Variants in CCDC102B observed in about 807,000 individuals in gnomAD.
CCDC102B encodes coiled-coil domain containing 102B.
Under a neutral mutation model 57.4 loss-of-function variants are expected in CCDC102B, and 75 were observed. The ratio of observed to expected loss-of-function variants is 1.31; its 90% CI spans 1.08 to 1.58. The LOEUF (loss-of-function observed/expected upper bound fraction) is 1.58, where lower values mean the gene tolerates loss of function less well. Ranked by LOEUF, CCDC102B falls within the 40% of genes most tolerant of loss-of-function variation. The probability of loss-of-function intolerance (pLI) is 0.00; values close to 1 mark genes in which losing one functional copy is unlikely to be tolerated. For synonymous variants in CCDC102B, 206 were observed against 201.9 expected (o/e 1.02, Z -0.17); for missense variants, 636 against 582.6 (o/e 1.09, Z -0.94).
intron 4 of CCDC102B, chr18:68,866,731 CG>C (rs1346097301): frequency 1.8e-6 from 1 of 568,012 alleles, no homozygotes; most frequent in Non-Finnish European, 3.4e-6. Context: ...CATTTGCCAC[CG>C]TGGGTCTGGT....
intron 2 of CCDC102B, among the ~76,000 whole-genome samples, chr18:68,728,853 A>G (rs2032723825): frequency 6.6e-6 from 1 of 152,198 alleles, no homozygotes; most frequent in African/African-American, 2.4e-5. Context: ...TTGTGTAGTA[A>G]AAGAAAAAAG....
intron 7 of CCDC102B, among the ~76,000 whole-genome samples, chr18:69,018,261 A>T (rs891308758): frequency 3.3e-5 from 5 of 152,234 alleles, no homozygotes; most frequent in African/African-American, 1.2e-4. Flanking sequence ...ATATGCACAT[A>T]TATACATGCA....
Position 68,998,827 on chromosome 18 carries a change from G to A in CCDC102B, c.1264-12107G>A, listed in dbSNP as rs550311813. On this transcript the variant is annotated intron_variant, in intron 6 of 7. Coordinates refer to ENST00000360242, the MANE Select transcript of CCDC102B (RefSeq NM_024781.3). ...ATTAGATGGTGCCTACCCAGACTGA[G>A]GGTGGGTCTGCATCACCCAGTTCAC... Among the ~76,000 whole-genome samples, 15 of 152,094 alleles carry A rather than the reference G, an allele frequency of 9.9e-5. No homozygotes were observed. The South Asian group carries it at 3.1e-3, about 32-fold the overall frequency.
intron 2 of CCDC102B, among the ~76,000 whole-genome samples, chr18:68,720,511 G>A (rs1166276769): frequency 6.6e-6 from 1 of 152,132 alleles, no homozygotes; most frequent in Non-Finnish European, 1.5e-5. Context: ...AGCGTTCTAT[G>A]CACATGAACG....
intron 6 of CCDC102B, among the ~76,000 whole-genome samples, chr18:68,947,935 T>A (rs1420400001): frequency 6.6e-6 from 1 of 152,086 alleles, no homozygotes; most frequent in Admixed American, 6.6e-5. Flanking sequence ...AAAATTGTAT[T>A]TTTTTCTTAT....
At chr18:68,968,745 C>A (rs1036388152) in intron 6 of CCDC102B, among the ~76,000 whole-genome samples, 5 of 152,142 alleles carry the variant, frequency 3.3e-5, no homozygotes, top group Non-Finnish European at 5.9e-5. Context: ...TTGTTTACTT[C>A]TATACCTATG....
At chr18:68,812,040 A>T (rs551345866) in intron 1 of CCDC102B, among the ~76,000 whole-genome samples, 19 of 152,306 alleles carry the variant, frequency 1.2e-4, no homozygotes, top group African/African-American at 4.6e-4. Context: ...GTAAGAACTA[A>T]TATACTTAAC....
At chr18:68,889,027 TTTG>T (rs1351724014) in intron 5 of CCDC102B, among the ~76,000 whole-genome samples, 4 of 25,852 alleles carry the variant, frequency 1.5e-4, no homozygotes, top group East Asian at 5.4e-3. Flanking sequence ...GTAGTTTTTC[TTTG>T]TTTTTTTTTT....
At chr18:68,801,128 C>A (rs9950588) in intron 1 of CCDC102B, among the ~76,000 whole-genome samples, 1 of 151,848 alleles carries the variant, frequency 6.6e-6, no homozygotes, top group East Asian at 1.9e-4. Context: ...ATCTTTTTGC[C>A]GTACACGAAA....
rs1568131124 is a variant in CCDC102B, at chr18:69,022,217, ATAT to A, written c.1434+11114_1434+11116del. 2.7e-4 allele frequency among the ~76,000 whole-genome samples: 14 copies of A among 51,276 alleles called. No individual in the cohort carries two copies. In the East Asian group the frequency reaches 8.1e-3, roughly 30 times the overall value. 33.6% of individuals were successfully genotyped at this position (51,276 alleles called of 152,430 possible). ...CCTATATATATATATATATATATAT[ATAT>A]ATAACACACACACACGCGTGCGTGT... is the stretch of plus-strand genomic sequence containing the variant. On this transcript the variant is annotated intron_variant, in intron 7 of 7. Coordinates refer to ENST00000360242, the MANE Select transcript of CCDC102B (RefSeq NM_024781.3).
chr18:68,769,733 T>C (rs2034580181), intron 2 of CCDC102B, among the ~76,000 whole-genome samples: 1 of 151,994 alleles, frequency 6.6e-6, no homozygotes, highest in Non-Finnish European at 1.5e-5. Context: ...CTTCCAATAA[T>C]CTGAAAGTAA....
At chr18:68,948,113 A>G (rs1407757798) in intron 6 of CCDC102B, among the ~76,000 whole-genome samples, 1 of 152,082 alleles carries the variant, frequency 6.6e-6, no homozygotes, top group Non-Finnish European at 1.5e-5. Flanking sequence ...TTTTTGATTA[A>G]TTAGTGCCTA....
intron 6 of CCDC102B, among the ~76,000 whole-genome samples, chr18:68,944,915 C>G (rs1341615223): frequency 1.3e-5 from 2 of 151,986 alleles, no homozygotes; most frequent in Non-Finnish European, 2.9e-5. Flanking sequence ...TTATAAAAGT[C>G]ATCAGTTGTG....
chr18:69,057,704 C>T (rs1335554836), downstream of CCDC102B, among the ~76,000 whole-genome samples: 2 of 152,026 alleles, frequency 1.3e-5, no homozygotes, highest in Non-Finnish European at 2.9e-5. Flanking sequence ...GAGTTGTTGG[C>T]ATCCATTATT....
At chr18:68,833,698 T>TAG (rs1352681111) in intron 1 of CCDC102B, among the ~76,000 whole-genome samples, 2 of 152,178 alleles carry the variant, frequency 1.3e-5, no homozygotes, top group African/African-American at 4.8e-5. Context: ...CTCTACCTGA[T>TAG]AGAGGCTGGT....
intron 4 of CCDC102B, among the ~76,000 whole-genome samples, chr18:68,864,786 G>A (rs922345774): frequency 6.6e-6 from 1 of 152,014 alleles, no homozygotes; most frequent in Non-Finnish European, 1.5e-5. Context: ...ACTGAATGTA[G>A]AAACATTTTC....
intron 6 of CCDC102B, among the ~76,000 whole-genome samples, chr18:68,981,700 C>A (rs1261353862): frequency 1.3e-5 from 2 of 151,864 alleles, no homozygotes; most frequent in Non-Finnish European, 2.9e-5. Flanking sequence ...GAAATTATAT[C>A]ATAATTTATT....
chr18:68,742,463 T>G (rs2033433587), intron 2 of CCDC102B, among the ~76,000 whole-genome samples: 1 of 152,352 alleles, frequency 6.6e-6, no homozygotes, highest in South Asian at 2.1e-4. Flanking sequence ...GCATATATTT[T>G]GGGGATACAC....
intron 7 of CCDC102B, among the ~76,000 whole-genome samples, chr18:69,037,615 A>G (rs181645892): frequency 4.3e-4 from 65 of 152,148 alleles, no homozygotes; most frequent in Admixed American, 4.2e-3. Context: ...ATTTATGAGA[A>G]GGTTAACAAA....
Sources: allele counts gnomAD v4.1 joint callset (sites outside exome capture counted in the v4.1 genomes callset), GRCh38; gene constraint gnomAD v4.1.1; transcripts MANE v1.5; gene names NCBI Gene and HGNC (gene_info 2026-07-23, HGNC 2026-07-21).